The following ABCC4 variants were observed in gnomAD, a reference collection of about 807,000 sequenced individuals.
The protein encoded by ABCC4 is ATP-binding cassette sub-family C member 4.
A neutral mutation model predicts 168.5 loss-of-function variants in ABCC4; 102 were observed. That is an observed-to-expected ratio of 0.61 (90% CI 0.52 to 0.71). The LOEUF (loss-of-function observed/expected upper bound fraction) is 0.71. Ranked by LOEUF, ABCC4 falls within the 30% of genes least tolerant of loss-of-function variation. ABCC4 has a pLI of 0.00. For synonymous variants in ABCC4, 617 were observed against 590.7 expected, an observed-to-expected ratio of 1.04 and a Z score of -0.65; for missense variants, 1,402 against 1,605.8, an observed-to-expected ratio of 0.87 and a Z score of 2.17.
chr13:95,150,873 G>C (rs952749893), intron 19 of ABCC4, among the ~76,000 whole-genome samples: 5 of 152,160 alleles, frequency 3.3e-5, no homozygotes, highest in African/African-American at 1.2e-4. Flanking sequence ...AGAAATTGTT[G>C]TGAGTCCACT....
intron 25 of ABCC4, among the ~76,000 whole-genome samples, chr13:95,070,873 A>C (rs1210288480): frequency 1.3e-5 from 2 of 152,166 alleles, no homozygotes; most frequent in Non-Finnish European, 2.9e-5. Flanking sequence ...CACAGGTTAA[A>C]GGAAGGCAAG....
intron 25 of ABCC4, among the ~76,000 whole-genome samples, chr13:95,069,531 T>A (rs1458693060): frequency 3.3e-5 from 5 of 152,182 alleles, no homozygotes; most frequent in Non-Finnish European, 5.9e-5. Flanking sequence ...ATTCATGTTG[T>A]TGGGCAACCG....
At chr13:95,071,616 A>G in intron 25 of ABCC4, 46 bp downstream of exon 25, 1 of 1,381,786 alleles carries the variant, frequency 7.2e-7, no homozygotes. Flanking sequence ...CAGACATAGC[A>G]CTAAATCTTC....
intron 21 of ABCC4, 111 bp from the exon 22 acceptor site, chr13:95,075,662 G>A (rs2033874957): frequency 1.4e-6 from 2 of 1,417,920 alleles, no homozygotes; most frequent in African/African-American, 2.9e-5. Flanking sequence ...AGGCCTCCTA[G>A]GAGGCTTCAT....
chr13:95,163,012 C>A, intron 18 of ABCC4, 110 bp downstream of exon 18: 1 of 738,316 alleles, frequency 1.4e-6, no homozygotes, highest in Non-Finnish European at 2.4e-6. Flanking sequence ...ACTGAGACTC[C>A]TGATCTGTTA....
chr13:95,231,433 G>A (rs2039619209), intron 4 of ABCC4, among the ~76,000 whole-genome samples: 1 of 152,108 alleles, frequency 6.6e-6, no homozygotes. Context: ...GTCGACGACG[G>A]GCTCGGCAGT....
Position 95,104,116 on chromosome 13 carries a change from G to A in ABCC4, c.2535+11806C>T, listed in dbSNP as rs541172095. Among the ~76,000 whole-genome samples the A allele has an allele frequency of 2.0e-5, 3 of 151,978 alleles. No homozygotes were observed. The South Asian group carries it at 6.2e-4, about 32-fold the overall frequency. ...TTGGTTTTGAGGTTTTTTTGGTTTGGGTTTTTTTGTTGTTGTTGTTGAGAT... is the reference window on the plus strand; with the variant it reads ...TTGGTTTTGAGGTTTTTTTGGTTTGAGTTTTTTTGTTGTTGTTGTTGAGAT... On this transcript the variant is annotated intron_variant, in intron 20 of 30. Transcript: ENST00000645237.
intron 4 of ABCC4, among the ~76,000 whole-genome samples, chr13:95,232,150 T>C (rs1034755488): frequency 2.0e-5 from 3 of 151,362 alleles, no homozygotes; most frequent in South Asian, 2.1e-4. Flanking sequence ...GTGGTGGTGG[T>C]GGTGGTGATG....
intron 19 of ABCC4, among the ~76,000 whole-genome samples, chr13:95,131,268 G>A (rs533104495): frequency 2.0e-5 from 3 of 152,238 alleles, no homozygotes; most frequent in Admixed American, 6.5e-5. Context: ...CCAAGGAAAG[G>A]CGACAAGAGG....
chr13:95,103,585 C>T (rs746466243), intron 20 of ABCC4, among the ~76,000 whole-genome samples: 1 of 152,226 alleles, frequency 6.6e-6, no homozygotes, highest in Non-Finnish European at 1.5e-5. Flanking sequence ...AGGGGATCGA[C>T]TATCCTGCAG....
chr13:95,045,199 C>A (rs776428048), intron 27 of ABCC4, among the ~76,000 whole-genome samples: 2 of 152,286 alleles, frequency 1.3e-5, no homozygotes, highest in East Asian at 3.9e-4. Flanking sequence ...GTGAAAGGAT[C>A]TTTCTGGTTG....
chr13:95,072,586 T>C (rs2033770067), intron 24 of ABCC4, among the ~76,000 whole-genome samples: 2 of 152,232 alleles, frequency 1.3e-5, no homozygotes, highest in Admixed American at 1.3e-4. Context: ...ATGAGAAGAA[T>C]GAAAAGATTT....
chr13:95,119,641 C>T (rs750857595), intron 19 of ABCC4, among the ~76,000 whole-genome samples: 11 of 150,788 alleles, frequency 7.3e-5, no homozygotes, highest in Non-Finnish European at 1.2e-4. Context: ...AATTCTGATA[C>T]GTCTCCCATG....
chr13:95,200,001 C>T (rs1473414245), intron 8 of ABCC4, among the ~76,000 whole-genome samples: 1 of 152,172 alleles, frequency 6.6e-6, no homozygotes, highest in African/African-American at 2.4e-5. Context: ...TACCAAAGCA[C>T]CTCATGGCAT....
At chr13:95,078,297 A>T (rs968601111) in intron 21 of ABCC4, among the ~76,000 whole-genome samples, 4 of 152,148 alleles carry the variant, frequency 2.6e-5, no homozygotes, top group African/African-American at 9.7e-5. Flanking sequence ...CTGTAGTCCC[A>T]ACTACTCAGG....
intron 19 of ABCC4, among the ~76,000 whole-genome samples, chr13:95,138,578 C>G (rs754732814): frequency 4.6e-5 from 7 of 152,102 alleles, no homozygotes; most frequent in Non-Finnish European, 8.8e-5. Flanking sequence ...AATCTCAGCA[C>G]TTTATGAGGC....
chr13:95,254,722 C>T (rs576351469), intron 1 of ABCC4, among the ~76,000 whole-genome samples: 1 of 152,210 alleles, frequency 6.6e-6, no homozygotes, highest in Admixed American at 6.5e-5. Context: ...GTCACATTGA[C>T]CCTATAAGGC....
intron 3 of ABCC4, among the ~76,000 whole-genome samples, chr13:95,240,502 G>C (rs2039906977): frequency 6.7e-6 from 1 of 150,108 alleles, no homozygotes; most frequent in South Asian, 2.1e-4. Flanking sequence ...CTGCACTCCA[G>C]CCTGGGCAAG....
chr13:95,140,057 C>T (rs1031782826), intron 19 of ABCC4, among the ~76,000 whole-genome samples: 5 of 152,212 alleles, frequency 3.3e-5, no homozygotes, highest in Non-Finnish European at 4.4e-5. Flanking sequence ...TCTCTCCTTA[C>T]TCTTGGACAG....
Sources: allele counts gnomAD v4.1 joint callset (sites outside exome capture counted in the v4.1 genomes callset), GRCh38; gene constraint gnomAD v4.1.1; transcripts MANE v1.5; gene names NCBI Gene and HGNC (gene_info 2026-07-23, HGNC 2026-07-21).